Variants in IGF2BP2 observed in about 807,000 individuals in gnomAD.
IGF2BP2 encodes the protein insulin-like growth factor 2 mRNA-binding protein 2.
In IGF2BP2, 17 loss-of-function variants were observed where a neutral mutation model predicts 75.8. The observed-to-expected ratio is 0.22, with a 90% CI of 0.15 to 0.34. The LOEUF (loss-of-function observed/expected upper bound fraction) is 0.34, where lower values mean the gene tolerates loss of function less well. Ranked by LOEUF, IGF2BP2 falls within the 10% of genes least tolerant of loss-of-function variation. IGF2BP2 has a pLI of 1.00. For missense variants in IGF2BP2, 516 were observed against 772.4 expected, an observed-to-expected ratio of 0.67 and a Z score of 3.93; for synonymous variants, 288 against 295.6, an observed-to-expected ratio of 0.97 and a Z score of 0.26.
Position 185,665,437 on chromosome 3 carries a change from G to A in IGF2BP2, c.1201-7028C>T, listed in dbSNP as rs138912624. ...GGAGGAGAAGGAGAAGGAGGAGGAGGAGAAGGAGGAGGAGGAGGAGAAGAA... is the reference window on the plus strand; with the variant it reads ...GGAGGAGAAGGAGAAGGAGGAGGAGAAGAAGGAGGAGGAGGAGGAGAAGAA... On this transcript the variant is annotated intron_variant, in intron 10 of 15. Coordinates refer to ENST00000382199, the MANE Select transcript of IGF2BP2 (RefSeq NM_006548.6). 9.1e-4 allele frequency among the ~76,000 whole-genome samples: 108 copies of A among 118,124 alleles called. 2 individuals are homozygous for A. The highest frequency in any genetic ancestry group is 5.7e-3 in the Middle Eastern group (1 of 174). 77.5% of individuals were successfully genotyped at this position (118,124 alleles called of 152,430 possible). A position where few individuals can be genotyped will look rare whatever the true frequency, so the allele number is the denominator to read the frequency against.
chr3:185,677,082 G>T (rs1298851287), intron 7 of IGF2BP2, among the ~76,000 whole-genome samples: 167 of 101,494 alleles, frequency 1.6e-3, no homozygotes, highest in Middle Eastern at 5.7e-3. Context: ...GAGAGAGAGA[G>T]AGAGAGAGAG....
chr3:185,655,791 C>G (rs1238459366), intron 12 of IGF2BP2, among the ~76,000 whole-genome samples: 3 of 152,220 alleles, frequency 2.0e-5, no homozygotes, highest in Non-Finnish European at 2.9e-5. Context: ...CACACTAGAC[C>G]AGAAACAGGA....
At chr3:185,661,561 C>T (rs183831512) in intron 10 of IGF2BP2, among the ~76,000 whole-genome samples, 24 of 148,016 alleles carry the variant, frequency 1.6e-4, no homozygotes, top group Middle Eastern at 3.6e-3. Context: ...CGCTTGAACC[C>T]GGGAGACAAG....
intron 2 of IGF2BP2, among the ~76,000 whole-genome samples, chr3:185,808,117 TAA>T (rs1188624871): frequency 1.0e-4 from 13 of 127,990 alleles, no homozygotes; most frequent in Non-Finnish European, 1.5e-4. Flanking sequence ...TCGTTTCTTT[TAA>T]AAAAAAAAAA....
At chr3:185,747,570 T>C (rs546175214) in intron 2 of IGF2BP2, among the ~76,000 whole-genome samples, 35 of 152,098 alleles carry the variant, frequency 2.3e-4, no homozygotes, top group Admixed American at 1.2e-3. Context: ...TCCCAGCTAC[T>C]TGAGAGGCCG....
intron 2 of IGF2BP2, among the ~76,000 whole-genome samples, chr3:185,776,246 TA>T (rs1215665309): frequency 6.6e-6 from 1 of 151,796 alleles, no homozygotes; most frequent in Non-Finnish European, 1.5e-5. Flanking sequence ...ACTCTGCCTC[TA>T]AAAAAATAAT....
intron 2 of IGF2BP2, among the ~76,000 whole-genome samples, chr3:185,820,463 C>T (rs1016478335): frequency 1.3e-5 from 2 of 151,866 alleles, no homozygotes; most frequent in Admixed American, 1.3e-4. Context: ...GAGCCTGAAA[C>T]CAACTTACAA....
At chr3:185,748,156 A>C (rs946324101) in intron 2 of IGF2BP2, among the ~76,000 whole-genome samples, 8 of 152,160 alleles carry the variant, frequency 5.3e-5, no homozygotes, top group African/African-American at 1.9e-4. Context: ...CACCCGCCTC[A>C]GCCTCCCAAA....
Position 185,647,215 on chromosome 3 carries a change from G to T in IGF2BP2, c.1594-77C>A. On this transcript the variant is annotated intron_variant, in intron 14 of 15. Coordinates refer to ENST00000382199, the MANE Select transcript of IGF2BP2 (RefSeq NM_006548.6). This position sits in a 1 kb window ranked among gnomAD's most constrained non-coding sequence, Gnocchi z 4.9. ...TGGTGGGCTCAGGACGGAGTGAGGGGCCAAGAGGTGGAGCAGGGGAAGGAG... is the reference window on the plus strand; with the variant it reads ...TGGTGGGCTCAGGACGGAGTGAGGGTCCAAGAGGTGGAGCAGGGGAAGGAG... 1 of 1,013,540 alleles carries T rather than the reference G, an allele frequency of 9.9e-7. No individual in the cohort carries two copies. Among genetic ancestry groups the T allele is most frequent in the Non-Finnish European group, 1.6e-6 (1 of 634,494 alleles). 62.8% of individuals were successfully genotyped at this position (1,013,540 alleles called of 1,614,324 possible).
At chr3:185,797,368 G>A (rs1047639480) in intron 2 of IGF2BP2, among the ~76,000 whole-genome samples, 2 of 152,092 alleles carry the variant, frequency 1.3e-5, no homozygotes, top group Non-Finnish European at 2.9e-5. Flanking sequence ...TCCCATGTCC[G>A]GTACTCTTTT....
intron 2 of IGF2BP2, among the ~76,000 whole-genome samples, chr3:185,771,173 C>T (rs1318268704): frequency 6.6e-6 from 1 of 152,196 alleles, no homozygotes. Flanking sequence ...GGCATGGTGG[C>T]TCACGCCTGT....
At chr3:185,714,869 G>A (rs1414470154) in intron 2 of IGF2BP2, among the ~76,000 whole-genome samples, 1 of 152,164 alleles carries the variant, frequency 6.6e-6, no homozygotes, top group Non-Finnish European at 1.5e-5. Flanking sequence ...TCAGTATTCA[G>A]GCAGGTGACT....
At chr3:185,807,374 T>A (rs1414541940) in intron 2 of IGF2BP2, among the ~76,000 whole-genome samples, 1 of 152,214 alleles carries the variant, frequency 6.6e-6, no homozygotes, top group Non-Finnish European at 1.5e-5. Context: ...GATAACAGTA[T>A]CTTCCTTCCT....
intron 12 of IGF2BP2, among the ~76,000 whole-genome samples, chr3:185,653,703 G>A (rs926487338): frequency 6.6e-6 from 1 of 152,140 alleles, no homozygotes; most frequent in South Asian, 2.1e-4. Flanking sequence ...CATCTCATAA[G>A]GTCCTACACA....
intron 3 of IGF2BP2, among the ~76,000 whole-genome samples, chr3:185,697,900 T>C (rs534191205): frequency 6.6e-6 from 1 of 152,060 alleles, no homozygotes; most frequent in East Asian, 1.9e-4. Context: ...GAAGATGAGG[T>C]AGGAAGATCC....
At chr3:185,758,138 A>G (rs968894797) in intron 2 of IGF2BP2, among the ~76,000 whole-genome samples, 1 of 152,230 alleles carries the variant, frequency 6.6e-6, no homozygotes, top group Non-Finnish European at 1.5e-5. Context: ...ACAGGAGATG[A>G]TATAGGCAGT....
chr3:185,662,973 C>A (rs1716713814), intron 10 of IGF2BP2, among the ~76,000 whole-genome samples: 1 of 152,212 alleles, frequency 6.6e-6, no homozygotes, highest in Non-Finnish European at 1.5e-5. Context: ...AGCCACCACA[C>A]CCAGCCCCAT....
rs567035861 is a variant in IGF2BP2 at position 185,658,762 on chromosome 3, C to T, written c.1201-353G>A. On this transcript the variant is annotated intron_variant, in intron 10 of 15. Transcript: ENST00000382199. ...CACCCATACACTCTTAACCTGCCCT[C>T]GGGTGGAGAGGCGGGGCCAGTGCCT... is the stretch of plus-strand genomic sequence containing the variant. Among the ~76,000 whole-genome samples, 7 of 152,298 alleles carry T rather than the reference C, an allele frequency of 4.6e-5. No individual in the cohort carries two copies. The East Asian group carries it at 5.8e-4, about 13-fold the overall frequency.
chr3:185,820,356 A>G (rs1409173991), intron 2 of IGF2BP2, among the ~76,000 whole-genome samples: 1 of 151,956 alleles, frequency 6.6e-6, no homozygotes, highest in African/African-American at 2.4e-5. Context: ...AGCATTTTAA[A>G]GCTTACCAGT....
Sources: allele counts gnomAD v4.1 joint callset (sites outside exome capture counted in the v4.1 genomes callset), GRCh38; gene constraint gnomAD v4.1.1; non-coding constraint Gnocchi (gnomAD v3.1); transcripts MANE v1.5; gene names NCBI Gene and HGNC (gene_info 2026-07-23, HGNC 2026-07-21).